PARP10: variants seen among roughly 807,000 people sequenced by gnomAD.
PARP10 encodes the protein poly(ADP-ribose) polymerase family member 10, also known as protein mono-ADP-ribosyltransferase PARP10.
Under a neutral mutation model 82.4 loss-of-function variants are expected in PARP10, and 56 were observed. The observed-to-expected ratio is 0.68, with a 90% CI of 0.55 to 0.85. The LOEUF is 0.85. Ranked by LOEUF, PARP10 falls within the 40% of genes least tolerant of loss-of-function variation. The probability of loss-of-function intolerance (pLI) is 0.00; values close to 1 mark genes in which losing one functional copy is unlikely to be tolerated. For synonymous variants in PARP10, 576 were observed against 601.1 expected (o/e 0.96, Z 0.61); for missense variants, 1,227 against 1,379.4 (o/e 0.89, Z 1.75).
upstream of PARP10, chr8:143,991,023 C>A (rs372819102): frequency 2.3e-5 from 10 of 434,468 alleles, no homozygotes; most frequent in East Asian, 7.6e-5. Context: ...GCCGCCCGTC[C>A]GGTCCTCACG....
chr8:144,002,361 C>A (rs57957974), intron 1 of PARP10, among the ~76,000 whole-genome samples: 46,189 of 151,828 alleles, frequency 0.3, 7,553 homozygotes, highest in Non-Finnish European at 0.36. Flanking sequence ...ACAGCCTGGG[C>A]AATATAGTGA....
chr8:143,990,924 G>A (rs1351828878), upstream of PARP10: 4 of 208,420 alleles, frequency 1.9e-5, no homozygotes, highest in Middle Eastern at 1.6e-3. The surrounding 1 kb of genome is among the most constrained non-coding windows in gnomAD (Gnocchi z 5.6). Flanking sequence ...AACGACCCAA[G>A]CCCCAAATCC....
upstream of PARP10, among the ~76,000 whole-genome samples, chr8:143,994,597 C>A (rs577056551): frequency 4.6e-5 from 7 of 152,350 alleles, no homozygotes; most frequent in Non-Finnish European, 8.8e-5. Flanking sequence ...CCTGCACAAC[C>A]TGAGTCACGA....
chr8:144,001,745 A>G (rs1323350353), intron 1 of PARP10, among the ~76,000 whole-genome samples: 1 of 152,114 alleles, frequency 6.6e-6, no homozygotes, highest in Non-Finnish European at 1.5e-5. Flanking sequence ...AGAAAAGAAA[A>G]GAAAAGAAAA....
rs782579389 is a variant in PARP10 at position 143,982,955 on chromosome 8, G to A, written c.2533C>T (p.Arg845Cys). The A allele has an allele frequency of 1.9e-5, 31 of 1,613,704 alleles. 1 individual carries two copies. The highest frequency in any genetic ancestry group is 4.4e-5 in the South Asian group (4 of 91,092). Residue 845 changes from arginine (R) to cysteine (C), a missense_variant, in exon 9 of 11, where the codon CGC becomes TGC. By Grantham distance (180) the Arg-to-Cys change is radical. Coordinates refer to ENST00000313028, the MANE Select transcript of PARP10 (RefSeq NM_032789.5). ...RAFYDTLDAA[R>C]SSIRVVRVER... ...ACACGAACGACGCGGATGCTGCTGC[G>A]GGCAGCGTCCAGGGTGTCGTAGAAG...
chr8:143,977,343 C>A lies in PARP10; in HGVS notation c.*141G>T. The A allele has an allele frequency of 1.1e-6, 1 of 904,766 alleles. No individual in the cohort carries two copies. The highest frequency in any genetic ancestry group is 1.6e-6 in the Non-Finnish European group (1 of 617,114). The allele number at this position is 904,766 out of a possible 1,614,324, so 56.0% of individuals were successfully genotyped here. A position where few individuals can be genotyped will look rare whatever the true frequency, so the allele number is the denominator to read the frequency against. On this transcript the variant is annotated 3_prime_UTR_variant, in exon 11 of 11. Transcript: ENST00000313028. Reference sequence around the variant, plus strand: ...TCGGCCGCTGCTGACCGCCATCCCCCACACCGCCTTCTGGAGCCCGCAGAG... The same window carrying A: ...TCGGCCGCTGCTGACCGCCATCCCCAACACCGCCTTCTGGAGCCCGCAGAG...
chr8:143,983,090 G>A (rs573485421), intron 8 of PARP10, 25 bp from the exon 9 acceptor site: 9 of 1,613,682 alleles, frequency 5.6e-6, no homozygotes, highest in East Asian at 2.2e-5. Flanking sequence ...AAAGCGGGGG[G>A]TCAGAGCCAT....
upstream of PARP10, among the ~76,000 whole-genome samples, chr8:143,987,645 C>G (rs1051503313): frequency 7.2e-5 from 11 of 152,212 alleles, no homozygotes; most frequent in Admixed American, 2.6e-4. Flanking sequence ...GTAATCCCAG[C>G]ACTTTGGGAG....
At chr8:143,978,924 C>T (rs1407740857) in intron 9 of PARP10, among the ~76,000 whole-genome samples, 2 of 151,712 alleles carry the variant, frequency 1.3e-5, no homozygotes, top group East Asian at 1.9e-4. Context: ...CTGGCACCCA[C>T]GTGCCAGGAA....
Position 143,982,920 on chromosome 8 carries a change from G to A in PARP10, c.2556+12C>T. 1.2e-6 allele frequency: 2 copies of A among 1,612,994 alleles called. No homozygotes were observed. The highest frequency in any genetic ancestry group is 1.7e-6 in the Non-Finnish European group (2 of 1,179,878). ...GACGCCATGAGGCCAGAGAGACAGGGCATGGACTCACACGAACGACGCGGA... is the reference window on the plus strand; with the variant it reads ...GACGCCATGAGGCCAGAGAGACAGGACATGGACTCACACGAACGACGCGGA... On this transcript the variant is annotated intron_variant, in intron 9 of 10. Coordinates refer to ENST00000313028, the MANE Select transcript of PARP10 (RefSeq NM_032789.5).
At chr8:143,996,755 C>T (rs1587472457) in intron 1 of PARP10, among the ~76,000 whole-genome samples, 1 of 152,272 alleles carries the variant, frequency 6.6e-6, no homozygotes, top group African/African-American at 2.4e-5. Context: ...CATTAAAGCC[C>T]AGGGGATGCA....
At chr8:144,007,429 A>T (rs1319530435) in intron 1 of PARP10, among the ~76,000 whole-genome samples, 1 of 152,156 alleles carries the variant, frequency 6.6e-6, no homozygotes, top group Non-Finnish European at 1.5e-5. Flanking sequence ...GAAGCCAGTT[A>T]TTATCTTGTC....
In PARP10 at chr8:143,983,236, A is replaced by G. The variant is rs1833903940; in HGVS notation, c.2353T>C (p.Leu785=). 1.2e-6 allele frequency: 2 copies of G among 1,613,472 alleles called. No homozygotes were observed. Among genetic ancestry groups the G allele is most frequent in the Non-Finnish European group, 1.7e-6 (2 of 1,179,928 alleles). ...GAHPARAARH[L]VALLAGPWDQ... ...CAGGGGCCAGCCAGAAGTGCCACCA[A>G]GTGGCGGGCAGCACGGGCAGGGTGG... is the stretch of plus-strand genomic sequence containing the variant. The change falls in exon 8 of 11, where the codon TTG becomes CTG. Residue 785 remains leucine, a synonymous_variant. Transcript: ENST00000313028.
chr8:144,010,892 T>A lies in PARP10; in HGVS notation c.-80+1638A>T, dbSNP rs551821551. ...AGACTGAGACCTTGCCTCAAAAAAA[T>A]AAATAAATAAATAAACAAATTTAAA... On this transcript the variant is annotated intron_variant, in intron 1 of 3. Transcript: ENST00000530478. Among the ~76,000 whole-genome samples the A allele has an allele frequency of 1.5e-4, 23 of 151,624 alleles. No individual in the cohort carries two copies. In the South Asian group the frequency reaches 1.9e-3, roughly 12 times the overall value.
Position 143,983,154 on chromosome 8 carries a change from G to C in PARP10, c.2422+13C>G. The C allele has an allele frequency of 6.2e-7, 1 of 1,613,012 alleles. No homozygotes were observed. Among genetic ancestry groups the C allele is most frequent in the Non-Finnish European group, 8.5e-7 (1 of 1,179,370 alleles). ...CCCACCCCACCGTCCCTCAGTCCAG[G>C]AGGTAGACTCACAGGTAGGGCCTGA... On this transcript the variant is annotated intron_variant, in intron 8 of 10. Transcript: ENST00000313028.
rs1833755742 is a variant in PARP10 at position 143,978,184 on chromosome 8, T to G, written c.2557-103A>C. On this transcript the variant is annotated intron_variant, in intron 9 of 10. Transcript: ENST00000313028. ...AACCAGGAGCCCTCTGTTGGAGGAG[T>G]CCAGGGTTTGAGGGAGCCCTTGCAG... 6 of 1,335,866 alleles carry G rather than the reference T, an allele frequency of 4.5e-6. No homozygotes were observed. The South Asian group carries it at 9.2e-5, about 21-fold the overall frequency. 82.8% of individuals were successfully genotyped at this position (1,335,866 alleles called of 1,614,324 possible).
chr8:144,006,733 C>CCT (rs1554752095), intron 1 of PARP10, among the ~76,000 whole-genome samples: 10 of 152,184 alleles, frequency 6.6e-5, no homozygotes, highest in Non-Finnish European at 1.5e-5. Flanking sequence ...GAGCTTGCTT[C>CCT]CTCTCTCTCC....
At chr8:144,004,300 T>A (rs1834221204) in intron 1 of PARP10, among the ~76,000 whole-genome samples, 1 of 151,970 alleles carries the variant, frequency 6.6e-6, no homozygotes, top group Non-Finnish European at 1.5e-5. Flanking sequence ...CCTTAAGTCT[T>A]AAGAGACAGA....
At chr8:143,980,319 CAAAAAAAAAAAAAAAAAAAA>C (rs564801582) in intron 9 of PARP10, among the ~76,000 whole-genome samples, 17 of 16,100 alleles carry the variant, frequency 1.1e-3, no homozygotes, top group Non-Finnish European at 2.8e-3. Flanking sequence ...GATTCCGTCT[CAAAAAAAAAAAAAAAAAAAA>C]AAAAAAAAAA....
Sources: allele counts gnomAD v4.1 joint callset (sites outside exome capture counted in the v4.1 genomes callset), GRCh38; gene constraint gnomAD v4.1.1; non-coding constraint Gnocchi (gnomAD v3.1); transcripts MANE v1.5; gene names NCBI Gene and HGNC (gene_info 2026-07-23, HGNC 2026-07-21).